Variants in E2F6 observed in about 807,000 individuals in gnomAD.
E2F6 encodes the protein E2F transcription factor 6.
In E2F6, 19 loss-of-function variants were observed where a neutral mutation model predicts 31.5. That is an observed-to-expected ratio of 0.60 (90% CI 0.42 to 0.89). The LOEUF is 0.89. E2F6 is among the 40% of genes least tolerant of loss of function. The probability of loss-of-function intolerance (pLI) is 0.00; values close to 1 mark genes in which losing one functional copy is unlikely to be tolerated. For missense variants in E2F6, 269 were observed against 341.6 expected (o/e 0.79, Z 1.67); for synonymous variants, 121 against 127.7 (o/e 0.95, Z 0.36).
At chr2:11,458,893 G>T (rs1460156122) in intron 1 of E2F6, among the ~76,000 whole-genome samples, 1 of 152,164 alleles carries the variant, frequency 6.6e-6, no homozygotes, top group Admixed American at 6.5e-5. Context: ...TGGCCTTGGG[G>T]GTAGGGACTA....
At position 11,466,144 on chromosome 2, in the gene E2F6, C is replaced by T. The variant is rs1672203739; in HGVS notation, c.-265G>A. 3 of 447,036 alleles carry T rather than the reference C, an allele frequency of 6.7e-6. No individual in the cohort carries two copies. Among genetic ancestry groups the T allele is most frequent in the South Asian group, 6.2e-5 (2 of 32,270 alleles). The allele number at this position is 447,036 out of a possible 1,614,324, so 27.7% of individuals were successfully genotyped here. On this transcript the variant is annotated 5_prime_UTR_variant, in exon 1 of 7. Transcript: ENST00000381525. ...TCAAGTCGCCCGGCCCGCCATCTTC[C>T]CGCATGCGCAGTACACCGCCCCCCT... is the stretch of plus-strand genomic sequence containing the variant.
At position 11,447,751 on chromosome 2, in the gene E2F6, C is replaced by T. The variant is rs1323118388; in HGVS notation, c.675G>A (p.Arg225=). The T allele has an allele frequency of 6.2e-7, 1 of 1,612,240 alleles. No homozygotes were observed. Among genetic ancestry groups the T allele is most frequent in the African/African-American group, 1.3e-5 (1 of 74,950 alleles). The change falls in exon 6 of 7, where the codon AGG becomes AGA. Residue 225 remains arginine, a synonymous_variant. Coordinates refer to ENST00000381525, the MANE Select transcript of E2F6 (RefSeq NM_198256.4). The stretch of plus-strand genomic sequence containing the variant: ...AGACATCGATAGGTCCGTTGGTGCT[C>T]CTTATGTGCACTGTGATAGAGTCCT... The part of the protein sequence containing the change: ...PREDSITVHI[R]STNGPIDVYL...
rs1672201860 is a variant in E2F6, at chr2:11,466,127, C to T, written c.-248G>A. The T allele has an allele frequency of 4.3e-6, 2 of 468,220 alleles. No homozygotes were observed. The highest frequency in any genetic ancestry group is 3.1e-5 in the South Asian group (1 of 32,518). The allele number at this position is 468,220 out of a possible 1,614,324, so 29.0% of individuals were successfully genotyped here. A position where few individuals can be genotyped will look rare whatever the true frequency, so the allele number is the denominator to read the frequency against. On this transcript the variant is annotated 5_prime_UTR_variant, in exon 1 of 7. Transcript: ENST00000381525. ...AGGGAGACCCGCGGATCTCAAGTCG[C>T]CCGGCCCGCCATCTTCCCGCATGCG...
chr2:11,453,703 G>C lies in E2F6; in HGVS notation c.259C>G (p.Leu87Val), dbSNP rs1671216201. The change falls in exon 3 of 7, where the codon CTT becomes GTT. Residue 87 changes from leucine to valine, a missense_variant. Transcript: ENST00000381525. ...TTCGTTGCAACCTTGTTTAAGTCAA[G>C]AATACCCCCGGGAGCAGATCTGACA... ...DLVRSAPGGI[L>V]DLNKVATKLG... The C allele has an allele frequency of 1.2e-6, 2 of 1,614,116 alleles. No individual in the cohort carries two copies. Among genetic ancestry groups the C allele is most frequent in the Non-Finnish European group, 1.7e-6 (2 of 1,180,014 alleles).
intron 1 of E2F6, among the ~76,000 whole-genome samples, chr2:11,465,189 AAAAAAAAG>A (rs1407534726): frequency 2.0e-5 from 3 of 148,000 alleles, no homozygotes; most frequent in African/African-American, 4.9e-5. Flanking sequence ...AAAAAAAAAA[AAAAAAAAG>A]AAAAAAAAGA....
chr2:11,446,024 G>A lies in E2F6; in HGVS notation c.*453C>T, dbSNP rs1297789052. On this transcript the variant is annotated 3_prime_UTR_variant, in exon 7 of 7. Coordinates refer to ENST00000381525, the MANE Select transcript of E2F6 (RefSeq NM_198256.4). Reference sequence around the variant, plus strand: ...TCGTAAGTAATCTCAACATTATACAGATATATACAAAGACATCACATTTAA... The same window carrying A: ...TCGTAAGTAATCTCAACATTATACAAATATATACAAAGACATCACATTTAA... 1 of 156,316 alleles carries A rather than the reference G, an allele frequency of 6.4e-6. No individual in the cohort carries two copies. Among genetic ancestry groups the A allele is most frequent in the East Asian group, 1.9e-4 (1 of 5,296 alleles). 9.7% of individuals were successfully genotyped at this position (156,316 alleles called of 1,614,324 possible).
At chr2:11,455,140 C>T (rs1208187599) in intron 2 of E2F6, among the ~76,000 whole-genome samples, 2 of 152,190 alleles carry the variant, frequency 1.3e-5, no homozygotes, top group East Asian at 3.8e-4. Context: ...TATACACGGG[C>T]CTCATCTCAC....
At chr2:11,459,189 T>C (rs1213217201) in intron 1 of E2F6, among the ~76,000 whole-genome samples, 3 of 152,180 alleles carry the variant, frequency 2.0e-5, no homozygotes. Context: ...GGGGCCTTGC[T>C]GCAGAGGTTC....
intron 3 of E2F6, among the ~76,000 whole-genome samples, chr2:11,452,787 C>T (rs1188530041): frequency 6.6e-6 from 1 of 152,130 alleles, no homozygotes; most frequent in Non-Finnish European, 1.5e-5. Context: ...TAGTGATTCA[C>T]AATGCATGCC....
chr2:11,453,807 CAAAAT>C lies in E2F6; in HGVS notation c.164-14_164-10del, dbSNP rs1671224911. 2.5e-6 allele frequency: 4 copies of C among 1,602,376 alleles called. No homozygotes were observed. The East Asian group carries it at 8.9e-5, about 36-fold the overall frequency. ...CTTCACTTTTAGAGCTTCTGGGAAA[CAAAAT>C]AAACATATTTGTAAAATTTTAAATA... On this transcript the variant is annotated splice_polypyrimidine_tract_variant and intron_variant, in intron 2 of 6. Coordinates refer to ENST00000381525, the MANE Select transcript of E2F6 (RefSeq NM_198256.4).
chr2:11,444,635 A>G lies in E2F6; in HGVS notation c.*1842T>C, dbSNP rs147434611. ...ACTTCTTCTGTATTTCTCCTTAAAT[A>G]TAGATGCCCTTAGGCCTGCTGTACT... On this transcript the variant is annotated 3_prime_UTR_variant, in exon 7 of 7. Transcript: ENST00000381525. 1 of 149,152 alleles carries G rather than the reference A, an allele frequency of 6.7e-6. No homozygotes were observed. The highest frequency in any genetic ancestry group is 1.5e-5 in the Non-Finnish European group (1 of 67,698). 9.2% of individuals were successfully genotyped at this position (149,152 alleles called of 1,614,324 possible).
chr2:11,450,973 G>A (rs186724388), intron 4 of E2F6, among the ~76,000 whole-genome samples: 1 of 151,698 alleles, frequency 6.6e-6, no homozygotes, highest in African/African-American at 2.4e-5. Flanking sequence ...GGCTCCCCCA[G>A]CCCCACCCCC....
chr2:11,447,357 T>A (rs973352491), intron 6 of E2F6, among the ~76,000 whole-genome samples: 2 of 152,164 alleles, frequency 1.3e-5, no homozygotes, highest in African/African-American at 2.4e-5. Context: ...GAGCTGCTGT[T>A]TGACTGAAAG....
At chr2:11,460,150 A>T (rs1206210850) in intron 1 of E2F6, among the ~76,000 whole-genome samples, 3 of 152,180 alleles carry the variant, frequency 2.0e-5, no homozygotes, top group Admixed American at 2.0e-4. Context: ...GTGGAAAAAA[A>T]AATAAAAGAT....
chr2:11,457,117 T>C, intron 2 of E2F6, 62 bp downstream of exon 2: 1 of 1,228,480 alleles, frequency 8.1e-7, no homozygotes, highest in Non-Finnish European at 1.2e-6. Context: ...CTTAAACAAA[T>C]CATTTTAATC....
At chr2:11,459,370 T>C (rs6751942) in intron 1 of E2F6, among the ~76,000 whole-genome samples, 2,934 of 152,300 alleles carry the variant, frequency 0.019, 98 homozygotes, top group African/African-American at 0.067. Context: ...ACACCTCAGT[T>C]AGGCATAATA....
At chr2:11,454,144 T>C (rs1007379730) in intron 2 of E2F6, among the ~76,000 whole-genome samples, 1 of 152,228 alleles carries the variant, frequency 6.6e-6, no homozygotes, top group African/African-American at 2.4e-5. Flanking sequence ...GAATTACACA[T>C]GATTTTTAAA....
intron 1 of E2F6, among the ~76,000 whole-genome samples, chr2:11,458,016 G>A (rs975515051): frequency 2.6e-5 from 4 of 152,204 alleles, no homozygotes; most frequent in African/African-American, 9.6e-5. Context: ...GGCTCTGAAA[G>A]TTTGCATAAA....
chr2:11,444,864 G>A lies in E2F6; in HGVS notation c.*1613C>T, dbSNP rs1001019698. 3 of 152,202 alleles carry A rather than the reference G, an allele frequency of 2.0e-5. No individual in the cohort carries two copies. Among genetic ancestry groups the A allele is most frequent in the Non-Finnish European group, 4.4e-5 (3 of 68,060 alleles). The allele number at this position is 152,202 out of a possible 1,614,324, so 9.4% of individuals were successfully genotyped here. A position where few individuals can be genotyped will look rare whatever the true frequency, so the allele number is the denominator to read the frequency against. On this transcript the variant is annotated 3_prime_UTR_variant, in exon 7 of 7. Coordinates refer to ENST00000381525, the MANE Select transcript of E2F6 (RefSeq NM_198256.4). ...CTCCTCCTCCTGTATTCCCTATTCT[G>A]TCAAACAGTACGACCCACCAGTCCA... is the stretch of plus-strand genomic sequence containing the variant.
Sources: allele counts gnomAD v4.1 joint callset (sites outside exome capture counted in the v4.1 genomes callset), GRCh38; gene constraint gnomAD v4.1.1; transcripts MANE v1.5; gene names NCBI Gene and HGNC (gene_info 2026-07-23, HGNC 2026-07-21).